The following LOXL4 variants were observed in gnomAD, a reference collection of about 807,000 sequenced individuals.
LOXL4 encodes lysyl oxidase homolog 4.
A neutral mutation model predicts 89.1 loss-of-function variants in LOXL4; 72 were observed. That is an observed-to-expected ratio of 0.81 (90% CI 0.67 to 0.98). The LOEUF is 0.98. LOXL4 is among the 50% of genes least tolerant of loss of function. The pLI is 0.00. For synonymous variants in LOXL4, 355 were observed against 392.1 expected, an observed-to-expected ratio of 0.91 and a Z score of 1.12; for missense variants, 984 against 1,017.5, an observed-to-expected ratio of 0.97 and a Z score of 0.45.
Position 98,263,002 on chromosome 10 carries a change from T to A in LOXL4, c.18A>T (p.Pro6=), listed in dbSNP as rs1333562831. The change falls in exon 2 of 15, where the codon CCA becomes CCT. Residue 6 remains proline (P), a synonymous_variant. Coordinates refer to ENST00000260702, the MANE Select transcript of LOXL4 (RefSeq NM_032211.7). MAWSP[P]ATLFLFLLLL... Reference sequence around the variant, plus strand: ...GCAGCAGGAACAGAAAGAGGGTGGCTGGTGGGGACCACGCCATGGTGACTT... The same window carrying A: ...GCAGCAGGAACAGAAAGAGGGTGGCAGGTGGGGACCACGCCATGGTGACTT... The A allele has an allele frequency of 6.2e-7, 1 of 1,613,492 alleles. No individual in the cohort carries two copies. The highest frequency in any genetic ancestry group is 1.7e-5 in the Admixed American group (1 of 60,026).
At position 98,248,006 on chromosome 10, in the gene LOXL4, A is replaced by C. The variant is rs1858086430; in HGVS notation, c.*915T>G. 6.6e-6 allele frequency: 1 copy of C among 152,138 alleles called. No homozygotes were observed. Among genetic ancestry groups the C allele is most frequent in the Admixed American group, 6.5e-5 (1 of 15,268 alleles). 9.4% of individuals were successfully genotyped at this position (152,138 alleles called of 1,614,324 possible). The stretch of plus-strand genomic sequence containing the variant: ...TGTTTGATGTTCTTTCCATGGCAAA[A>C]ATTTATTCAATGCAAAGTTCACTTC... On this transcript the variant is annotated 3_prime_UTR_variant, in exon 15 of 15. Coordinates refer to ENST00000260702, the MANE Select transcript of LOXL4 (RefSeq NM_032211.7).
At chr10:98,257,620 G>A in intron 8 of LOXL4, 30 bp downstream of exon 8, 3 of 1,603,834 alleles carry the variant, frequency 1.9e-6, no homozygotes, top group South Asian at 1.1e-5. Context: ...CCGGCCCCCA[G>A]CCTGAGGCCA....
At chr10:98,258,317 A>G in intron 6 of LOXL4, 153 bp from the exon 7 acceptor site, 1 of 287,018 alleles carries the variant, frequency 3.5e-6, no homozygotes, top group Middle Eastern at 1.7e-3. Flanking sequence ...CTGACTTCCC[A>G]TAGCTGTCAC....
At chr10:98,260,509 T>C (rs1858506510) in intron 4 of LOXL4, among the ~76,000 whole-genome samples, 1 of 152,136 alleles carries the variant, frequency 6.6e-6, no homozygotes, top group Non-Finnish European at 1.5e-5. Flanking sequence ...TAGTTAATTC[T>C]GTTTACATAA....
chr10:98,248,865 C>T lies in LOXL4; in HGVS notation c.*56G>A, dbSNP rs374418443. On this transcript the variant is annotated 3_prime_UTR_variant, in exon 15 of 15. Coordinates refer to ENST00000260702, the MANE Select transcript of LOXL4 (RefSeq NM_032211.7). ...TGGGACTCTGTGAAGGGCATGGCTC[C>T]AATAAGCTGAGGTATCTGGTGTATC... is the stretch of plus-strand genomic sequence containing the variant. 8 of 1,500,206 alleles carry T rather than the reference C, an allele frequency of 5.3e-6. No homozygotes were observed. The highest frequency in any genetic ancestry group is 7.4e-6 in the Non-Finnish European group (8 of 1,085,078). 92.9% of individuals were successfully genotyped at this position (1,500,206 alleles called of 1,614,324 possible).
intron 2 of LOXL4, among the ~76,000 whole-genome samples, chr10:98,262,432 C>T (rs1041553337): frequency 2.0e-5 from 3 of 152,172 alleles, no homozygotes; most frequent in Admixed American, 6.5e-5. Context: ...TTGGAAAATG[C>T]CGGGTAGCTC....
chr10:98,251,767 C>G (rs1858199832), intron 12 of LOXL4, 65 bp from the exon 13 acceptor site: 1 of 1,578,884 alleles, frequency 6.3e-7, no homozygotes. Context: ...CTTTTATTTC[C>G]TTTACCAGTT....
intron 1 of LOXL4, among the ~76,000 whole-genome samples, chr10:98,267,047 G>T (rs1364360632): frequency 6.6e-6 from 1 of 152,094 alleles, no homozygotes; most frequent in African/African-American, 2.4e-5. Flanking sequence ...GGGAAGTGAG[G>T]ATAATAACTA....
intron 1 of LOXL4, among the ~76,000 whole-genome samples, chr10:98,266,419 T>G (rs1858690752): frequency 6.6e-6 from 1 of 152,196 alleles, no homozygotes; most frequent in Non-Finnish European, 1.5e-5. Flanking sequence ...AGGTCTGCTG[T>G]TTGGCTCCTG....
At chr10:98,266,378 A>G (rs1858689703) in intron 1 of LOXL4, among the ~76,000 whole-genome samples, 2 of 152,180 alleles carry the variant, frequency 1.3e-5, no homozygotes, top group Non-Finnish European at 1.5e-5. Flanking sequence ...CCTATCCGAC[A>G]TGCTCTGATG....
rs565979100 is a variant in LOXL4, at chr10:98,252,770, G to A, written c.1836-302C>T. 8.0e-4 allele frequency among the ~76,000 whole-genome samples: 122 copies of A among 152,328 alleles called. 2 individuals carry two copies. The East Asian group carries it at 0.014, about 18-fold the overall frequency. On this transcript the variant is annotated intron_variant, in intron 11 of 14. Transcript: ENST00000260702. ...CCTGACAGCAAGGCCTGAACTGGGG[G>A]GAGAGGCGGGGCACCGGGTCTGTGA...
chr10:98,253,841 CAGCCAGTCTT>C, intron 10 of LOXL4, 45 bp from the exon 11 acceptor site: 1 of 1,610,008 alleles, frequency 6.2e-7, no homozygotes, highest in Non-Finnish European at 8.5e-7. Context: ...GGTGGAAAGG[CAGCCAGTCTT>C]AGTCTCCAGC....
At chr10:98,259,546 T>C (rs903774529) in intron 4 of LOXL4, 117 bp from the exon 5 acceptor site, 2 of 879,364 alleles carry the variant, frequency 2.3e-6, no homozygotes, top group Admixed American at 2.0e-5. Flanking sequence ...TGTAAACTTA[T>C]TCACTAATCT....
chr10:98,252,235 GC>G, intron 12 of LOXL4, 117 bp downstream of exon 12: 1 of 735,392 alleles, frequency 1.4e-6, no homozygotes, highest in Non-Finnish European at 2.3e-6. Context: ...AACTTTTCAA[GC>G]CAGGGTCTCC....
At chr10:98,255,831 A>G in intron 9 of LOXL4, 92 bp from the exon 10 acceptor site, 1 of 1,450,252 alleles carries the variant, frequency 6.9e-7, no homozygotes, top group Admixed American at 2.0e-5. Flanking sequence ...TACCACCCCC[A>G]CCGGGTTGTG....
intron 1 of LOXL4, among the ~76,000 whole-genome samples, chr10:98,263,337 C>T (rs775791692): frequency 1.8e-4 from 28 of 152,172 alleles, no homozygotes; most frequent in Non-Finnish European, 3.2e-4. Context: ...CTCCATCTCA[C>T]GGTGTTGTTG....
intron 4 of LOXL4, among the ~76,000 whole-genome samples, chr10:98,260,238 C>T (rs1303401001): frequency 1.3e-5 from 2 of 152,212 alleles, no homozygotes; most frequent in Admixed American, 1.3e-4. Flanking sequence ...CAGTCACAGC[C>T]TGGCTTGATC....
intron 10 of LOXL4, among the ~76,000 whole-genome samples, chr10:98,254,679 A>G (rs1378405425): frequency 6.6e-6 from 1 of 152,168 alleles, no homozygotes; most frequent in African/African-American, 2.4e-5. Flanking sequence ...GTTCAAGAAG[A>G]GCGCTCCCAC....
At chr10:98,253,887 T>G (rs903531745) in intron 10 of LOXL4, 91 bp from the exon 11 acceptor site, 1 of 1,533,072 alleles carries the variant, frequency 6.5e-7, no homozygotes, top group Non-Finnish European at 8.8e-7. Flanking sequence ...GCCCCCAGAT[T>G]AAACCCTCCG....
Sources: gnomAD v4.1 joint callset for allele counts (sites outside exome capture counted in the v4.1 genomes callset) on GRCh38, gnomAD v4.1.1 for gene constraint, MANE v1.5 for transcripts, NCBI Gene and HGNC (gene_info 2026-07-23, HGNC 2026-07-21) for gene names.